Variants in SPATS2L observed in about 807,000 individuals in gnomAD.
The protein encoded by SPATS2L is spermatogenesis associated serine rich 2 like.
A neutral mutation model predicts 59.6 loss-of-function variants in SPATS2L; 30 were observed. The ratio of observed to expected loss-of-function variants is 0.50; its 90% CI spans 0.38 to 0.68. The LOEUF (loss-of-function observed/expected upper bound fraction) is 0.68. SPATS2L is among the 30% of genes least tolerant of loss of function. SPATS2L has a pLI of 0.00. For missense variants in SPATS2L, 615 were observed against 700.0 expected (o/e 0.88, Z 1.37); for synonymous variants, 252 against 263.5 (o/e 0.96, Z 0.42).
chr2:200,394,657 G>T (rs2082277492), intron 3 of SPATS2L, among the ~76,000 whole-genome samples: 1 of 152,144 alleles, frequency 6.6e-6, no homozygotes, highest in African/African-American at 2.4e-5. Context: ...CATTTACGAT[G>T]TTTTGCAAAA....
intron 3 of SPATS2L, among the ~76,000 whole-genome samples, chr2:200,394,820 G>A (rs1443443612): frequency 6.6e-6 from 1 of 152,178 alleles, no homozygotes; most frequent in Admixed American, 6.5e-5. Context: ...CTTCAGAAAA[G>A]TAGTATGTTT....
At chr2:200,352,032 A>G (rs941515123) in intron 2 of SPATS2L, among the ~76,000 whole-genome samples, 4 of 152,034 alleles carry the variant, frequency 2.6e-5, no homozygotes, top group Admixed American at 2.0e-4. Flanking sequence ...TTCAGTGTAC[A>G]TCTCAGTTTA....
At chr2:200,328,986 T>A (rs2079846576) in intron 1 of SPATS2L, among the ~76,000 whole-genome samples, 1 of 152,198 alleles carries the variant, frequency 6.6e-6, no homozygotes, top group African/African-American at 2.4e-5. Flanking sequence ...TGATTTGACC[T>A]CTCTGGTGCC....
chr2:200,317,900 T>C (rs2079432525), intron 1 of SPATS2L, among the ~76,000 whole-genome samples: 1 of 152,238 alleles, frequency 6.6e-6, no homozygotes, highest in Admixed American at 6.5e-5. Context: ...TTCACACTTA[T>C]TTTGTTGGAG....
At chr2:200,450,120 A>T (rs1381869120) in intron 8 of SPATS2L, among the ~76,000 whole-genome samples, 1 of 152,188 alleles carries the variant, frequency 6.6e-6, no homozygotes, top group Admixed American at 6.5e-5. Context: ...AACCTGGTTG[A>T]GTTTTTTAAC....
intron 4 of SPATS2L, among the ~76,000 whole-genome samples, chr2:200,415,752 A>G (rs985205039): frequency 2.6e-5 from 4 of 152,270 alleles, no homozygotes; most frequent in African/African-American, 9.6e-5. Context: ...TTCTACCGAT[A>G]TATGTGAATG....
chr2:200,361,542 C>T (rs1341104308), intron 2 of SPATS2L, among the ~76,000 whole-genome samples: 1 of 152,234 alleles, frequency 6.6e-6, no homozygotes, highest in African/African-American at 2.4e-5. Context: ...GAATACATTT[C>T]TCCAAATCGT....
chr2:200,363,835 A>G (rs541556933), intron 2 of SPATS2L, among the ~76,000 whole-genome samples: 1 of 152,176 alleles, frequency 6.6e-6, no homozygotes, highest in Non-Finnish European at 1.5e-5. Context: ...ATCAGTCTCC[A>G]CCTGCATGGC....
chr2:200,370,201 G>C (rs934290700), intron 2 of SPATS2L, among the ~76,000 whole-genome samples: 6 of 152,122 alleles, frequency 3.9e-5, no homozygotes, highest in Non-Finnish European at 5.9e-5. Context: ...GCAAAATTCT[G>C]GAATTTATTC....
intron 3 of SPATS2L, chr2:200,390,862 A>AT (rs2082150671): frequency 6.6e-6 from 1 of 152,002 alleles, no homozygotes; most frequent in Admixed American, 6.6e-5. Context: ...GGCAAAAAAA[A>AT]AAAAAAGGCC....
chr2:200,410,348 AT>A (rs1044435536), intron 3 of SPATS2L, among the ~76,000 whole-genome samples: 2 of 152,052 alleles, frequency 1.3e-5, no homozygotes, highest in African/African-American at 2.4e-5. Context: ...GGATGGAGGG[AT>A]TTTTTTGTGT....
intron 10 of SPATS2L, among the ~76,000 whole-genome samples, chr2:200,469,264 C>T (rs1245661362): frequency 6.6e-6 from 1 of 152,148 alleles, no homozygotes; most frequent in Non-Finnish European, 1.5e-5. Flanking sequence ...CACATTCCAC[C>T]TTGTATTGTA....
chr2:200,388,450 C>T (rs2082062354), intron 2 of SPATS2L, among the ~76,000 whole-genome samples: 1 of 151,924 alleles, frequency 6.6e-6, no homozygotes, highest in African/African-American at 2.4e-5. Flanking sequence ...TGCATACCTG[C>T]AGTTCCACCT....
intron 8 of SPATS2L, among the ~76,000 whole-genome samples, chr2:200,454,495 G>T (rs2085696224): frequency 6.6e-6 from 1 of 152,056 alleles, no homozygotes; most frequent in Non-Finnish European, 1.5e-5. Context: ...TTTCATTATT[G>T]TTATTATCAG....
intron 3 of SPATS2L, 104 bp from the exon 4 acceptor site, chr2:200,412,207 C>T: frequency 1.5e-6 from 1 of 660,888 alleles, no homozygotes; most frequent in Non-Finnish European, 2.4e-6. Flanking sequence ...GTTGGCTTTT[C>T]AAGGCCTTTC....
At chr2:200,345,940 C>T (rs577946915) in intron 2 of SPATS2L, among the ~76,000 whole-genome samples, 2 of 152,148 alleles carry the variant, frequency 1.3e-5, no homozygotes, top group Non-Finnish European at 2.9e-5. Flanking sequence ...AAGTCACTTC[C>T]ATCAGAAAAT....
chr2:200,439,340 T>G lies in SPATS2L; in HGVS notation c.652+12T>G, dbSNP rs760590907. 5 of 1,603,544 alleles carry G rather than the reference T, an allele frequency of 3.1e-6. No homozygotes were observed. The highest frequency in any genetic ancestry group is 4.3e-6 in the Non-Finnish European group (5 of 1,171,028). ...GGCAAAGAAAAGAGGTAAAGTGATTTCTTTTGCACAAATGATTCAACATAT... is the reference window on the plus strand; with the variant it reads ...GGCAAAGAAAAGAGGTAAAGTGATTGCTTTTGCACAAATGATTCAACATAT... On this transcript the variant is annotated intron_variant, in intron 7 of 12. Coordinates refer to ENST00000409140, the MANE Select transcript of SPATS2L (RefSeq NM_001100423.2).
chr2:200,335,108 T>C (rs140001745), intron 2 of SPATS2L, among the ~76,000 whole-genome samples: 8,701 of 152,284 alleles, frequency 0.057, 499 homozygotes, highest in Admixed American at 0.19. Context: ...TTGGGCAGTA[T>C]GGCCATTTTC....
intron 2 of SPATS2L, chr2:200,351,138 A>G: frequency 2.3e-6 from 1 of 431,560 alleles, no homozygotes; most frequent in Non-Finnish European, 4.8e-6. Context: ...CCACTATGAA[A>G]TCAATGGGTG....
Sources: allele counts gnomAD v4.1 joint callset (sites outside exome capture counted in the v4.1 genomes callset), GRCh38; gene constraint gnomAD v4.1.1; transcripts MANE v1.5; gene names NCBI Gene and HGNC (gene_info 2026-07-23, HGNC 2026-07-21).